ZFHX4: variants seen among roughly 807,000 people sequenced by gnomAD.
ZFHX4 encodes zinc finger homeobox protein 4.
A neutral mutation model predicts 267.6 loss-of-function variants in ZFHX4; 56 were observed. The observed-to-expected ratio is 0.21, with a 90% CI of 0.17 to 0.26. The LOEUF is 0.26. Among genes scored for constraint, ZFHX4 ranks in the 10% least tolerant of loss-of-function variants. The probability of loss-of-function intolerance (pLI) is 1.00; values close to 1 mark genes in which losing one functional copy is unlikely to be tolerated. For synonymous variants in ZFHX4, 1,778 were observed against 1,665.6 expected (o/e 1.07, Z -1.64); for missense variants, 4,332 against 4,420.0 (o/e 0.98, Z 0.56).
intron 3 of ZFHX4, among the ~76,000 whole-genome samples, chr8:76,770,948 C>T (rs1478535718): frequency 6.6e-6 from 1 of 151,992 alleles, no homozygotes; most frequent in Non-Finnish European, 1.5e-5. Flanking sequence ...ATGCAGGGCC[C>T]TTAGGTATAA....
chr8:76,704,302 A>T lies in ZFHX4; in HGVS notation c.214A>T (p.Thr72Ser), dbSNP rs1481270693. The change falls in exon 2 of 11, where the codon ACT becomes TCT. Residue 72 changes from threonine (T) to serine (S), a missense_variant. Thr to Ser is a moderately conservative substitution (Grantham distance 58, BLOSUM62 1). Around this residue, in one of 7 missense-constraint regions of ZFHX4, gnomAD observed 1,195 missense variants for 1,173.6 expected, o/e 1.02. Transcript: ENST00000651372. ...TTTCAGCGTTGAGAATGCAGCTGCCACTCAGGTTACCTCAGCAAAGGAGAT... is the reference window on the plus strand; with the variant it reads ...TTTCAGCGTTGAGAATGCAGCTGCCTCTCAGGTTACCTCAGCAAAGGAGAT... ...LGFSVENAAA[T>S]QVTSAKEIPC... 3.1e-6 allele frequency: 5 copies of T among 1,613,878 alleles called. No homozygotes were observed. The highest frequency in any genetic ancestry group is 4.2e-6 in the Non-Finnish European group (5 of 1,179,900).
chr8:76,820,938 T>C (rs541620921), intron 4 of ZFHX4, among the ~76,000 whole-genome samples: 1 of 152,284 alleles, frequency 6.6e-6, no homozygotes, highest in South Asian at 2.1e-4. Context: ...TTTCTGAACC[T>C]CTTTTTTAGT....
chr8:76,815,287 T>A (rs1474360301), intron 4 of ZFHX4, among the ~76,000 whole-genome samples: 1 of 152,158 alleles, frequency 6.6e-6, no homozygotes, highest in Non-Finnish European at 1.5e-5. Flanking sequence ...ACTGTCTTAG[T>A]CTGTTTGGGC....
At chr8:76,785,569 A>G (rs1040635657) in intron 4 of ZFHX4, among the ~76,000 whole-genome samples, 26 of 152,310 alleles carry the variant, frequency 1.7e-4, no homozygotes, top group Admixed American at 4.6e-4. Context: ...TACAAAGGCT[A>G]AATTGTTACC....
chr8:76,833,238 T>G (rs1811983387), intron 4 of ZFHX4, 100 bp from the exon 5 acceptor site: 1 of 851,542 alleles, frequency 1.2e-6, no homozygotes, highest in African/African-American at 1.7e-5. Flanking sequence ...CTGATACTTA[T>G]CTCTCCTGAC....
chr8:76,793,762 C>A (rs78173449), intron 4 of ZFHX4, among the ~76,000 whole-genome samples: 5,234 of 152,052 alleles, frequency 0.034, 213 homozygotes, highest in East Asian at 0.18. Context: ...CATTCTTTTT[C>A]TTTTTCCTTT....
chr8:76,845,206 G>A (rs1045857868), intron 6 of ZFHX4, among the ~76,000 whole-genome samples: 1 of 152,068 alleles, frequency 6.6e-6, no homozygotes, highest in Non-Finnish European at 1.5e-5. Flanking sequence ...CAATATGCAA[G>A]TTATATTTGT....
intron 4 of ZFHX4, among the ~76,000 whole-genome samples, chr8:76,827,578 A>T (rs536976906): frequency 2.8e-4 from 43 of 152,374 alleles, no homozygotes; most frequent in African/African-American, 1.0e-3. Context: ...AATAGGAATT[A>T]GTAAATTTAA....
chr8:76,762,195 T>C (rs540563043), intron 3 of ZFHX4, among the ~76,000 whole-genome samples: 3 of 152,244 alleles, frequency 2.0e-5, no homozygotes, highest in Admixed American at 1.3e-4. Context: ...CACCCAATTA[T>C]ATTCTAGGGA....
chr8:76,771,399 A>T (rs951704696), intron 3 of ZFHX4, among the ~76,000 whole-genome samples: 6 of 151,998 alleles, frequency 3.9e-5, no homozygotes, highest in African/African-American at 1.4e-4. Flanking sequence ...TAAATTCATG[A>T]ATCAGTTTTC....
chr8:76,722,015 T>G (rs530566719), intron 3 of ZFHX4, among the ~76,000 whole-genome samples: 2 of 152,234 alleles, frequency 1.3e-5, no homozygotes, highest in South Asian at 4.1e-4. Flanking sequence ...ATATTCGATG[T>G]TGAAAGTCTT....
chr8:76,847,465 A>G (rs1406170114), intron 6 of ZFHX4, among the ~76,000 whole-genome samples: 1 of 152,084 alleles, frequency 6.6e-6, no homozygotes, highest in Non-Finnish European at 1.5e-5. Context: ...ATATACATGA[A>G]GACAAATGTA....
In ZFHX4 at chr8:76,706,376, A is replaced by G. The variant is rs949471392; in HGVS notation, c.2288A>G (p.Gln763Arg). 2 of 1,614,000 alleles carry G rather than the reference A, an allele frequency of 1.2e-6. No individual in the cohort carries two copies. The highest frequency in any genetic ancestry group is 2.7e-5 in the African/African-American group (2 of 74,936). The change falls in exon 2 of 11, where the codon CAG (glutamine) becomes CGG (arginine). Residue 763 changes from glutamine (Q) to arginine (R), a missense_variant. Coordinates refer to ENST00000651372, the MANE Select transcript of ZFHX4 (RefSeq NM_024721.5). ...CGTPSPSKPK[Q>R]KPTWRCEVCD... ...ACACCCTCTCCGTCCAAACCCAAAC[A>G]GAAACCCACCTGGCGGTGTGAAGTT...
At chr8:76,729,172 T>A (rs1449027479) in intron 3 of ZFHX4, among the ~76,000 whole-genome samples, 1 of 152,140 alleles carries the variant, frequency 6.6e-6, no homozygotes, top group African/African-American at 2.4e-5. Flanking sequence ...TTGGAAGCAG[T>A]TTCTGTTCAT....
rs764131068 is a variant in ZFHX4, at chr8:76,854,925, G to A, written c.8004G>A (p.Val2668=). 2.5e-6 allele frequency: 4 copies of A among 1,613,834 alleles called. No homozygotes were observed. Among genetic ancestry groups the A allele is most frequent in the African/African-American group, 2.7e-5 (2 of 75,046 alleles). Residue 2668 remains valine (V), a synonymous_variant, in exon 10 of 11, where the codon GTG becomes GTA. Coordinates refer to ENST00000651372, the MANE Select transcript of ZFHX4 (RefSeq NM_024721.5). ...ARERKGQFRA[V]GPAQSHKRCP... is the part of the protein sequence containing the mutation. ...AGAGGAAAGGCCAGTTCCGGGCGGT[G>A]GGTCCAGCACAGTCTCATAAACGGT... is the stretch of plus-strand genomic sequence containing the variant.
intron 4 of ZFHX4, among the ~76,000 whole-genome samples, chr8:76,781,664 A>G (rs907484978): frequency 1.3e-5 from 2 of 152,096 alleles, no homozygotes; most frequent in South Asian, 4.1e-4. Flanking sequence ...CCTTGGCATC[A>G]AGTGTAAGCA....
At chr8:76,767,702 G>C (rs1381872687) in intron 3 of ZFHX4, among the ~76,000 whole-genome samples, 2 of 152,290 alleles carry the variant, frequency 1.3e-5, no homozygotes, top group East Asian at 3.9e-4. Context: ...CAAGTATCTG[G>C]TGAAGGGTAG....
intron 4 of ZFHX4, among the ~76,000 whole-genome samples, chr8:76,785,847 G>A (rs1164574590): frequency 1.3e-5 from 2 of 152,212 alleles, no homozygotes; most frequent in East Asian, 3.9e-4. Flanking sequence ...TGGCTTGAAT[G>A]TTCTCTACTT....
At chr8:76,856,435 T>G in intron 10 of ZFHX4, 135 bp downstream of exon 10, 1 of 1,062,988 alleles carries the variant, frequency 9.4e-7, no homozygotes, top group Non-Finnish European at 1.4e-6. Flanking sequence ...TTAAAGTATA[T>G]ATTATATTGG....
Sources: allele counts gnomAD v4.1 joint callset (sites outside exome capture counted in the v4.1 genomes callset), GRCh38; gene constraint gnomAD v4.1.1; regional missense constraint gnomAD v4.1.1; transcripts MANE v1.5; gene names NCBI Gene and HGNC (gene_info 2026-07-23, HGNC 2026-07-21).